The following NRXN1 variants were observed in gnomAD, a reference collection of about 807,000 sequenced individuals.
NRXN1 encodes neurexin 1.
NRXN1 carries 39 observed loss-of-function variants against 150.9 expected under a neutral mutation model. The ratio of observed to expected loss-of-function variants is 0.26; its 90% CI spans 0.20 to 0.34. NRXN1 has a LOEUF of 0.34. Among genes scored for constraint, NRXN1 ranks in the 10% least tolerant of loss-of-function variants. NRXN1 has a pLI of 1.00. For synonymous variants in NRXN1, 924 were observed against 757.0 expected (o/e 1.22, Z -3.62); for missense variants, 1,815 against 1,949.9 (o/e 0.93, Z 1.30).
At chr2:50,922,312 G>C (rs1686163049) in intron 4 of NRXN1, among the ~76,000 whole-genome samples, 1 of 151,766 alleles carries the variant, frequency 6.6e-6, no homozygotes, top group Non-Finnish European at 1.5e-5. Flanking sequence ...TCTTCTTTCA[G>C]ACAGCAACTT....
At chr2:50,592,494 A>C (rs1029318476) in intron 8 of NRXN1, among the ~76,000 whole-genome samples, 1 of 152,208 alleles carries the variant, frequency 6.6e-6, no homozygotes, top group Admixed American at 6.5e-5. Flanking sequence ...ACAGAAGTTC[A>C]CAAAACAGAG....
At chr2:50,376,046 TAC>T (rs72262969) in intron 17 of NRXN1, among the ~76,000 whole-genome samples, 4,436 of 148,510 alleles carry the variant, frequency 0.03, 165 homozygotes, top group East Asian at 0.12. Flanking sequence ...CATATATATA[TAC>T]ACACACACAC....
chr2:51,009,783 G>GA, intron 2 of NRXN1, among the ~76,000 whole-genome samples: 1 of 151,952 alleles, frequency 6.6e-6, no homozygotes, highest in Non-Finnish European at 1.5e-5. Flanking sequence ...ATAACAACCG[G>GA]AAAAAGTGTA....
chr2:50,740,391 A>C (rs897222105), intron 5 of NRXN1, among the ~76,000 whole-genome samples: 10 of 152,184 alleles, frequency 6.6e-5, no homozygotes, highest in Non-Finnish European at 1.3e-4. Flanking sequence ...CAATGAATGA[A>C]ACTACTGCAC....
intron 5 of NRXN1, among the ~76,000 whole-genome samples, chr2:50,874,148 T>C (rs1678212409): frequency 6.6e-6 from 1 of 151,896 alleles, no homozygotes; most frequent in African/African-American, 2.4e-5. Flanking sequence ...TATTGAGCCA[T>C]GAAGTGTTTT....
At chr2:50,979,426 G>A (rs1198152800) in intron 2 of NRXN1, among the ~76,000 whole-genome samples, 3 of 152,006 alleles carry the variant, frequency 2.0e-5, no homozygotes, top group African/African-American at 7.2e-5. Flanking sequence ...CAGTTATTCA[G>A]GACATGAAAC....
chr2:50,727,362 T>C (rs141771653), intron 5 of NRXN1, among the ~76,000 whole-genome samples: 1 of 152,186 alleles, frequency 6.6e-6, no homozygotes, highest in Non-Finnish European at 1.5e-5. Context: ...GCCTAGGCTA[T>C]AATTAGTATT....
intron 17 of NRXN1, among the ~76,000 whole-genome samples, chr2:50,343,373 G>C (rs1435189090): frequency 6.6e-6 from 1 of 152,074 alleles, no homozygotes; most frequent in Non-Finnish European, 1.5e-5. Flanking sequence ...GGTCTATTCT[G>C]GACTCTTGTT....
chr2:50,370,534 T>C (rs2079942909), intron 17 of NRXN1, among the ~76,000 whole-genome samples: 1 of 152,056 alleles, frequency 6.6e-6, no homozygotes, highest in Non-Finnish European at 1.5e-5. Flanking sequence ...TTGCTCAAGG[T>C]GTCCTCTCTC....
chr2:50,870,584 C>T (rs1317141456), intron 5 of NRXN1, among the ~76,000 whole-genome samples: 1 of 151,990 alleles, frequency 6.6e-6, no homozygotes, highest in East Asian at 1.9e-4. Context: ...TTTCTTGACT[C>T]TGTCTCCAGA....
intron 5 of NRXN1, among the ~76,000 whole-genome samples, chr2:50,920,695 A>G (rs1228518259): frequency 6.6e-6 from 1 of 151,768 alleles, no homozygotes; most frequent in East Asian, 1.9e-4. Context: ...TCAAAATGGT[A>G]CACAAAACCT....
At chr2:50,704,422 G>C (rs2104988649) in intron 5 of NRXN1, among the ~76,000 whole-genome samples, 1 of 151,938 alleles carries the variant, frequency 6.6e-6, no homozygotes, top group African/African-American at 2.4e-5. Context: ...ACATGGAACA[G>C]ATTACTATTT....
At chr2:50,374,024 G>C (rs1433070205) in intron 17 of NRXN1, among the ~76,000 whole-genome samples, 2 of 151,978 alleles carry the variant, frequency 1.3e-5, no homozygotes, top group African/African-American at 2.4e-5. Context: ...TGGAGGCTGG[G>C]TGTGGGCTCA....
At chr2:50,524,811 A>G (rs1573396277) in intron 12 of NRXN1, among the ~76,000 whole-genome samples, 1 of 152,276 alleles carries the variant, frequency 6.6e-6, no homozygotes, top group East Asian at 1.9e-4. Context: ...AAGAAGAGAG[A>G]AAGAAAAAAA....
intron 5 of NRXN1, among the ~76,000 whole-genome samples, chr2:50,660,679 G>A (rs553753553): frequency 6.6e-4 from 101 of 152,130 alleles, no homozygotes; most frequent in African/African-American, 2.3e-3. Flanking sequence ...CAATGTGAAT[G>A]TCTGGTGCTT....
At chr2:50,474,663 C>G (rs1203307154) in intron 15 of NRXN1, among the ~76,000 whole-genome samples, 2 of 126,038 alleles carry the variant, frequency 1.6e-5, no homozygotes, top group Non-Finnish European at 3.2e-5. Flanking sequence ...AGAACAATTT[C>G]CAGACTGGCA....
chr2:50,741,550 T>C (rs958164657), intron 5 of NRXN1, among the ~76,000 whole-genome samples: 1 of 152,190 alleles, frequency 6.6e-6, no homozygotes, highest in African/African-American at 2.4e-5. Context: ...TTTTAAGTTT[T>C]ATTATTATTA....
chr2:50,884,576 C>A (rs918250537), intron 5 of NRXN1, among the ~76,000 whole-genome samples: 1 of 151,586 alleles, frequency 6.6e-6, no homozygotes, highest in Admixed American at 6.6e-5. Context: ...GCCCCAGTAT[C>A]CAGCATTGTA....
intron 2 of NRXN1, among the ~76,000 whole-genome samples, chr2:50,936,354 G>A (rs1688542143): frequency 6.6e-6 from 1 of 152,122 alleles, no homozygotes; most frequent in African/African-American, 2.4e-5. Flanking sequence ...GCCAGAATCA[G>A]CATCCTGACT....
Sources: allele counts gnomAD v4.1 joint callset (sites outside exome capture counted in the v4.1 genomes callset), GRCh38; gene constraint gnomAD v4.1.1; transcripts MANE v1.5; gene names NCBI Gene and HGNC (gene_info 2026-07-23, HGNC 2026-07-21).